LRRTM3: variants seen among roughly 807,000 people sequenced by gnomAD.
LRRTM3 encodes the protein leucine-rich repeat transmembrane neuronal protein 3.
A neutral mutation model predicts 44.7 loss-of-function variants in LRRTM3; 24 were observed. The observed-to-expected ratio is 0.54, with a 90% CI of 0.39 to 0.76. The LOEUF is 0.76. Among genes scored for constraint, LRRTM3 ranks in the 30% least tolerant of loss-of-function variants. LRRTM3 has a pLI of 0.00. For synonymous variants in LRRTM3, 277 were observed against 278.7 expected (o/e 0.99, Z 0.06); for missense variants, 587 against 702.2 (o/e 0.84, Z 1.85).
chr10:67,052,310 A>ATCTCTCTCTCTCTC (rs1238182355), intron 2 of LRRTM3, among the ~76,000 whole-genome samples: 11 of 92,752 alleles, frequency 1.2e-4, no homozygotes, highest in African/African-American at 2.2e-4. Context: ...ACACCCACTC[A>ATCTCTCTCTCTCTC]TCACTCTCTC....
chr10:67,050,316 T>C (rs1203392468), intron 2 of LRRTM3, among the ~76,000 whole-genome samples: 1 of 152,244 alleles, frequency 6.6e-6, no homozygotes, highest in Non-Finnish European at 1.5e-5. Context: ...TCTCCCTTTC[T>C]TGAGCGTTCG....
In LRRTM3 at chr10:66,926,340, T is replaced by C. The variant is rs766147718; in HGVS notation, c.-244T>C. ...AACGTAATATCCATGAAGATCCTAT[T>C]ACCTAGGAAGATTTTGATGTTTTGC... On this transcript the variant is annotated 5_prime_UTR_variant, in exon 1 of 3. Coordinates refer to ENST00000361320, the MANE Select transcript of LRRTM3 (RefSeq NM_178011.5). 3.3e-6 allele frequency: 2 copies of C among 604,386 alleles called. No individual in the cohort carries two copies. The highest frequency in any genetic ancestry group is 1.9e-5 in the African/African-American group (1 of 53,786). The allele number at this position is 604,386 out of a possible 1,614,324, so 37.4% of individuals were successfully genotyped here. A position where few individuals can be genotyped will look rare whatever the true frequency, so the allele number is the denominator to read the frequency against.
At chr10:67,042,254 A>T (rs1177140171) in intron 2 of LRRTM3, among the ~76,000 whole-genome samples, 3 of 152,138 alleles carry the variant, frequency 2.0e-5, no homozygotes, top group Non-Finnish European at 4.4e-5. Flanking sequence ...CCTGAACCCA[A>T]ATGGGCATCT....
At chr10:67,075,894 T>C (rs1021863127) in intron 2 of LRRTM3, among the ~76,000 whole-genome samples, 2 of 152,238 alleles carry the variant, frequency 1.3e-5, no homozygotes. Context: ...TCAACGAAGG[T>C]GTGGAGCATG....
Position 66,955,274 on chromosome 10 carries a change from AG to A in LRRTM3, c.1536+26823del, listed in dbSNP as rs373543767. Among the ~76,000 whole-genome samples, 634 of 152,276 alleles carry A rather than the reference AG, an allele frequency of 4.2e-3. 3 individuals carry two copies. Among genetic ancestry groups the A allele is most frequent in the African/African-American group, 0.014 (596 of 41,574 alleles). On this transcript the variant is annotated intron_variant, in intron 2 of 2. Transcript: ENST00000361320. ...TCATCAATAGAGAATAGGAAGAAAA[AG>A]ATAACGATTATTTTGTGGTATCATT...
At chr10:66,952,808 C>T (rs969723760) in intron 2 of LRRTM3, among the ~76,000 whole-genome samples, 1 of 151,798 alleles carries the variant, frequency 6.6e-6, no homozygotes. Context: ...AAAATTAGCC[C>T]TGCTTGTAAT....
chr10:66,957,630 A>G (rs1303859554), intron 2 of LRRTM3, among the ~76,000 whole-genome samples: 1 of 151,694 alleles, frequency 6.6e-6, no homozygotes, highest in African/African-American at 2.4e-5. Flanking sequence ...ATACACTCAA[A>G]AGGAGTGACT....
At chr10:67,067,327 T>G (rs1856156131) in intron 2 of LRRTM3, among the ~76,000 whole-genome samples, 1 of 152,206 alleles carries the variant, frequency 6.6e-6, no homozygotes, top group South Asian at 2.1e-4. Context: ...TAATATTTAT[T>G]GAGCAATAAA....
At chr10:67,021,748 A>C (rs535568166) in intron 2 of LRRTM3, among the ~76,000 whole-genome samples, 1 of 152,324 alleles carries the variant, frequency 6.6e-6, no homozygotes. Context: ...TGGACTTCTT[A>C]AAATGTGCAC....
intron 2 of LRRTM3, among the ~76,000 whole-genome samples, chr10:67,068,179 G>A (rs997772402): frequency 6.6e-6 from 1 of 152,120 alleles, no homozygotes; most frequent in Non-Finnish European, 1.5e-5. Flanking sequence ...AAGAGAAGGG[G>A]GGAAGGATAT....
rs77027932 is a variant in LRRTM3, at chr10:66,931,635, A to T, written c.1536+3183A>T. On this transcript the variant is annotated intron_variant, in intron 2 of 2. Coordinates refer to ENST00000361320, the MANE Select transcript of LRRTM3 (RefSeq NM_178011.5). The stretch of plus-strand genomic sequence containing the variant: ...TCCTTATGTAAACGTGGTTTACAAC[A>T]TGTTTTTTGACTAGTAAATCAGATT... 6.5e-3 allele frequency among the ~76,000 whole-genome samples: 990 copies of T among 152,250 alleles called. 7 individuals are homozygous for T. Among genetic ancestry groups the T allele is most frequent in the African/African-American group, 0.022 (928 of 41,546 alleles).
chr10:67,009,058 C>A (rs1852174258), intron 2 of LRRTM3, among the ~76,000 whole-genome samples: 1 of 152,082 alleles, frequency 6.6e-6, no homozygotes, highest in African/African-American at 2.4e-5. Context: ...AAACTAACCT[C>A]ATTTTTCTCT....
At chr10:66,998,706 T>C (rs746958219) in intron 2 of LRRTM3, among the ~76,000 whole-genome samples, 1 of 152,118 alleles carries the variant, frequency 6.6e-6, no homozygotes, top group Non-Finnish European at 1.5e-5. Flanking sequence ...GTCCAGAATA[T>C]ACAAAGTAAA....
intron 2 of LRRTM3, among the ~76,000 whole-genome samples, chr10:66,968,509 A>G (rs979315085): frequency 6.6e-6 from 1 of 151,876 alleles, no homozygotes; most frequent in Non-Finnish European, 1.5e-5. Flanking sequence ...GGATATGAAG[A>G]AAGTTCATAT....
At chr10:66,983,946 C>T (rs186380808) in intron 2 of LRRTM3, among the ~76,000 whole-genome samples, 132 of 152,236 alleles carry the variant, frequency 8.7e-4, no homozygotes, top group African/African-American at 2.8e-3. Context: ...CTTAGAACAA[C>T]GGTAAATGGT....
chr10:67,085,078 A>T (rs1280055281), intron 2 of LRRTM3, among the ~76,000 whole-genome samples: 1 of 151,966 alleles, frequency 6.6e-6, no homozygotes, highest in Non-Finnish European at 1.5e-5. Context: ...AATTATTTTT[A>T]ATTTTTAATT....
At chr10:66,941,490 G>A (rs1347666925) in intron 2 of LRRTM3, among the ~76,000 whole-genome samples, 1 of 152,086 alleles carries the variant, frequency 6.6e-6, no homozygotes, top group African/African-American at 2.4e-5. Flanking sequence ...TTTGAACGCA[G>A]GAATCTTCAC....
chr10:67,096,138 T>C (rs1857977250), intron 2 of LRRTM3, among the ~76,000 whole-genome samples: 2 of 151,908 alleles, frequency 1.3e-5, no homozygotes, highest in African/African-American at 4.8e-5. Flanking sequence ...CTAAGCTATA[T>C]ATATTTTATA....
intron 2 of LRRTM3, among the ~76,000 whole-genome samples, chr10:67,013,383 T>TA (rs1418686905): frequency 6.6e-6 from 1 of 151,938 alleles, no homozygotes; most frequent in Non-Finnish European, 1.5e-5. Flanking sequence ...TTGTTAAAAC[T>TA]AAAAAAATTA....
Sources: gnomAD v4.1 joint callset for allele counts (sites outside exome capture counted in the v4.1 genomes callset) on GRCh38, gnomAD v4.1.1 for gene constraint, MANE v1.5 for transcripts, NCBI Gene and HGNC (gene_info 2026-07-23, HGNC 2026-07-21) for gene names.